ARFGAP3: variants seen among roughly 807,000 people sequenced by gnomAD.
ARFGAP3 encodes ARF GTPase activating protein 3, also known as ADP-ribosylation factor GTPase-activating protein 3.
A neutral mutation model predicts 75.0 loss-of-function variants in ARFGAP3; 72 were observed. The ratio of observed to expected loss-of-function variants is 0.96; its 90% CI spans 0.79 to 1.17. ARFGAP3 has a LOEUF of 1.17. ARFGAP3 is among the 50% of genes most tolerant of loss of function. The probability of loss-of-function intolerance (pLI) is 0.00; values close to 1 mark genes in which losing one functional copy is unlikely to be tolerated. For synonymous variants in ARFGAP3, 221 were observed against 217.9 expected (o/e 1.01, Z -0.13); for missense variants, 620 against 626.6 (o/e 0.99, Z 0.11).
chr22:42,824,170 ATTT>A (rs57620930), intron 7 of ARFGAP3, among the ~76,000 whole-genome samples: 24,618 of 60,090 alleles, frequency 0.41, 3,652 homozygotes, highest in Middle Eastern at 0.46. Flanking sequence ...ACATCTGGCT[ATTT>A]TTTTTTTTTT....
intron 11 of ARFGAP3, among the ~76,000 whole-genome samples, chr22:42,813,359 G>A (rs954489282): frequency 2.6e-5 from 4 of 152,196 alleles, no homozygotes; most frequent in African/African-American, 9.7e-5. Context: ...AGGCTGGACT[G>A]CCCTGGAGTG....
At chr22:42,825,794 G>A (rs922554308) in intron 7 of ARFGAP3, among the ~76,000 whole-genome samples, 5 of 151,802 alleles carry the variant, frequency 3.3e-5, no homozygotes, top group Admixed American at 2.0e-4. Flanking sequence ...CATTTTCTGA[G>A]TACATTTTAC....
At chr22:42,816,685 C>T (rs1925593171) in intron 11 of ARFGAP3, among the ~76,000 whole-genome samples, 1 of 152,134 alleles carries the variant, frequency 6.6e-6, no homozygotes, top group African/African-American at 2.4e-5. Flanking sequence ...GTACAATCAT[C>T]TTCCTCATTA....
Position 42,828,089 on chromosome 22 carries a change from A to G in ARFGAP3, c.566-1090T>C, listed in dbSNP as rs982087455. On this transcript the variant is annotated intron_variant, in intron 6 of 15. Coordinates refer to ENST00000263245, the MANE Select transcript of ARFGAP3 (RefSeq NM_014570.5). The stretch of plus-strand genomic sequence containing the variant: ...CACTTGAGGTCAGGAGTTTGAGACC[A>G]GCCTGACCAACATGGTGAAACCCCA... 7.9e-5 allele frequency among the ~76,000 whole-genome samples: 12 copies of G among 151,938 alleles called. No individual in the cohort carries two copies. In the East Asian group the frequency reaches 1.9e-3, roughly 25 times the overall value.
rs1002292950 is a variant in ARFGAP3, at chr22:42,810,004, A to C, written c.1196+809T>G. On this transcript the variant is annotated intron_variant, in intron 12 of 15. Transcript: ENST00000263245. ...GGGTGACAGAGCAAGACTCCATCTT[A>C]AAAAAAAAAAAAAAAAAAAAAAAAT... is the stretch of plus-strand genomic sequence containing the variant. 7.1e-4 allele frequency among the ~76,000 whole-genome samples: 14 copies of C among 19,722 alleles called. No homozygotes were observed. The African/African-American group carries it at 0.014, about 20-fold the overall frequency. The allele number at this position is 19,722 out of a possible 152,430, so 12.9% of individuals were successfully genotyped here. A position where few individuals can be genotyped will look rare whatever the true frequency, so the allele number is the denominator to read the frequency against.
chr22:42,836,445 C>G, intron 3 of ARFGAP3, among the ~76,000 whole-genome samples: 1 of 152,144 alleles, frequency 6.6e-6, no homozygotes, highest in Non-Finnish European at 1.5e-5. Context: ...CGTCCACAAT[C>G]AATCTCAAAA....
At chr22:42,834,205 A>G (rs1301506175) in intron 5 of ARFGAP3, 37 bp downstream of exon 5, 3 of 1,580,166 alleles carry the variant, frequency 1.9e-6, no homozygotes, top group Non-Finnish European at 2.6e-6. Context: ...CTGTCAGAGT[A>G]AGCACACTTT....
At chr22:42,847,715 G>T in intron 1 of ARFGAP3, 83 bp from the exon 2 acceptor site, 5 of 1,507,796 alleles carry the variant, frequency 3.3e-6, no homozygotes, top group Non-Finnish European at 4.4e-6. Flanking sequence ...GACTTAGCTT[G>T]AAAACTGTTT....
intron 11 of ARFGAP3, among the ~76,000 whole-genome samples, chr22:42,815,070 G>A (rs1466033783): frequency 2.0e-5 from 3 of 152,134 alleles, no homozygotes; most frequent in African/African-American, 7.2e-5. Context: ...ACTATCATCT[G>A]CAGAAGTTGC....
intron 9 of ARFGAP3, among the ~76,000 whole-genome samples, chr22:42,821,629 G>A (rs762775687): frequency 9.9e-5 from 15 of 152,070 alleles, no homozygotes; most frequent in Non-Finnish European, 2.1e-4. Flanking sequence ...TTTATCAGTT[G>A]GTAGACATTT....
chr22:42,815,648 A>G (rs1925545120), intron 11 of ARFGAP3, among the ~76,000 whole-genome samples: 1 of 152,184 alleles, frequency 6.6e-6, no homozygotes, highest in Non-Finnish European at 1.5e-5. Flanking sequence ...ATACATATGA[A>G]AACGCTTCAA....
chr22:42,852,159 A>G (rs1034894020), intron 1 of ARFGAP3, among the ~76,000 whole-genome samples: 2 of 151,782 alleles, frequency 1.3e-5, no homozygotes, highest in African/African-American at 4.8e-5. Flanking sequence ...AGCTCAAGCA[A>G]TCCTCCCACC....
At chr22:42,837,260 G>A (rs933540205) in intron 3 of ARFGAP3, among the ~76,000 whole-genome samples, 1 of 152,146 alleles carries the variant, frequency 6.6e-6, no homozygotes. Context: ...CCAGGAATTC[G>A]AGACCAACCT....
At chr22:42,853,421 C>T (rs952557528) in intron 1 of ARFGAP3, 10 of 220,228 alleles carry the variant, frequency 4.5e-5, no homozygotes, top group Non-Finnish European at 7.8e-5. Context: ...TCACCATTCT[C>T]CCCACTGAGC....
intron 11 of ARFGAP3, among the ~76,000 whole-genome samples, chr22:42,815,412 C>CTTT (rs1291554913): frequency 1.5e-5 from 2 of 136,542 alleles, no homozygotes; most frequent in Non-Finnish European, 1.6e-5. Context: ...TAAACTACTA[C>CTTT]TTTTTTTTTT....
intron 5 of ARFGAP3, among the ~76,000 whole-genome samples, chr22:42,832,526 T>C (rs995231777): frequency 5.7e-5 from 7 of 123,420 alleles, no homozygotes; most frequent in Non-Finnish European, 1.0e-4. Flanking sequence ...AGAGTAAGAC[T>C]CCATCTCAAA....
chr22:42,821,589 T>C (rs1401733620), intron 9 of ARFGAP3, among the ~76,000 whole-genome samples: 2 of 152,254 alleles, frequency 1.3e-5, no homozygotes, highest in Non-Finnish European at 2.9e-5. Flanking sequence ...TAATAGTCCA[T>C]TGTATGGACA....
intron 13 of ARFGAP3, 53 bp from the exon 14 acceptor site, chr22:42,807,216 T>C (rs1925166679): frequency 6.5e-7 from 1 of 1,548,908 alleles, no homozygotes; most frequent in Non-Finnish European, 8.7e-7. Context: ...GTGGGCAGTT[T>C]TGCAAAAAGA....
At chr22:42,810,772 C>T in intron 12 of ARFGAP3, 41 bp downstream of exon 12, 2 of 1,559,894 alleles carry the variant, frequency 1.3e-6, no homozygotes, top group Non-Finnish European at 1.8e-6. Flanking sequence ...CCCAGAAATG[C>T]ATGGATTCAC....
Sources: allele counts gnomAD v4.1 joint callset (sites outside exome capture counted in the v4.1 genomes callset), GRCh38; gene constraint gnomAD v4.1.1; transcripts MANE v1.5; gene names NCBI Gene and HGNC (gene_info 2026-07-23, HGNC 2026-07-21).